The following DNAJC1 variants were observed in gnomAD, a reference collection of about 807,000 sequenced individuals.
DNAJC1 encodes the protein dnaJ homolog subfamily C member 1.
Under a neutral mutation model 76.6 loss-of-function variants are expected in DNAJC1, and 58 were observed. The ratio of observed to expected loss-of-function variants is 0.76; its 90% CI spans 0.61 to 0.94. The LOEUF (loss-of-function observed/expected upper bound fraction) is 0.94. DNAJC1 is among the 40% of genes least tolerant of loss of function. The pLI is 0.00. For synonymous variants in DNAJC1, 258 were observed against 267.9 expected (o/e 0.96, Z 0.36); for missense variants, 689 against 677.3 (o/e 1.02, Z -0.19).
chr10:21,988,935 G>T (rs1215121382), intron 1 of DNAJC1, among the ~76,000 whole-genome samples: 1 of 152,100 alleles, frequency 6.6e-6, no homozygotes, highest in African/African-American at 2.4e-5. Context: ...ACTCTCCTCT[G>T]GGTATCTCCA....
At chr10:21,982,716 A>AT (rs1428006535) in intron 1 of DNAJC1, among the ~76,000 whole-genome samples, 4 of 147,008 alleles carry the variant, frequency 2.7e-5, no homozygotes, top group South Asian at 2.1e-4. Context: ...GATAGCTATC[A>AT]TAAAAAAAAA....
intron 8 of DNAJC1, among the ~76,000 whole-genome samples, chr10:21,818,604 T>A (rs569529195): frequency 1.3e-5 from 2 of 152,182 alleles, no homozygotes; most frequent in Non-Finnish European, 2.9e-5. Context: ...ACTGCCGACA[T>A]GTGATGTCTC....
chr10:21,987,028 A>G (rs1203914755), intron 1 of DNAJC1, among the ~76,000 whole-genome samples: 1 of 152,232 alleles, frequency 6.6e-6, no homozygotes, highest in East Asian at 1.9e-4. Flanking sequence ...TTGGCCACCC[A>G]AAGTGCTGGG....
chr10:21,835,234 C>T (rs1226294226), intron 8 of DNAJC1, among the ~76,000 whole-genome samples: 1 of 152,196 alleles, frequency 6.6e-6, no homozygotes, highest in Non-Finnish European at 1.5e-5. Flanking sequence ...AGTGGACCTC[C>T]AGCAAACTCC....
At chr10:21,849,629 C>T (rs564523024) in intron 8 of DNAJC1, among the ~76,000 whole-genome samples, 311 of 152,056 alleles carry the variant, frequency 2.0e-3, no homozygotes, top group African/African-American at 7.3e-3. Context: ...GCCAGTATTA[C>T]ACTGATTTCC....
intron 8 of DNAJC1, among the ~76,000 whole-genome samples, chr10:21,850,532 T>TC (rs1359870244): frequency 3.3e-5 from 5 of 150,542 alleles, no homozygotes; most frequent in Admixed American, 3.3e-4. Flanking sequence ...AATTTTCTTT[T>TC]CTTTTTTTTT....
intron 9 of DNAJC1, chr10:21,803,738 C>CTA (rs912662981): frequency 2.0e-5 from 14 of 690,026 alleles, no homozygotes; most frequent in Non-Finnish European, 2.5e-5. Flanking sequence ...CAGTGTGGGT[C>CTA]TATATATATA....
intron 8 of DNAJC1, among the ~76,000 whole-genome samples, chr10:21,832,514 C>T (rs1463744363): frequency 6.6e-6 from 1 of 152,066 alleles, no homozygotes; most frequent in East Asian, 1.9e-4. Context: ...CTAACCATGC[C>T]CCATATTTTT....
chr10:21,968,504 CTT>C (rs748589532), intron 1 of DNAJC1, among the ~76,000 whole-genome samples: 1 of 144,456 alleles, frequency 6.9e-6, no homozygotes, highest in Non-Finnish European at 1.5e-5. Context: ...CATGACATAT[CTT>C]TTTTTTTTTT....
At chr10:21,981,670 G>A (rs777434326) in intron 1 of DNAJC1, among the ~76,000 whole-genome samples, 1 of 152,122 alleles carries the variant, frequency 6.6e-6, no homozygotes, top group Non-Finnish European at 1.5e-5. Flanking sequence ...GAGATAATAT[G>A]TGTATTCAAA....
intron 9 of DNAJC1, among the ~76,000 whole-genome samples, chr10:21,805,743 G>T (rs1238937774): frequency 2.0e-5 from 3 of 152,090 alleles, no homozygotes; most frequent in African/African-American, 4.8e-5. Flanking sequence ...CTTTGATTAG[G>T]TTACAGTAGC....
chr10:21,865,851 T>C (rs978848909), intron 8 of DNAJC1: 4 of 152,020 alleles, frequency 2.6e-5, no homozygotes, highest in African/African-American at 4.8e-5. Flanking sequence ...AAATTAGTCC[T>C]GGGCCAGGCA....
chr10:21,816,849 CTCTG>C (rs1315613523), intron 8 of DNAJC1, among the ~76,000 whole-genome samples: 2 of 136,948 alleles, frequency 1.5e-5, no homozygotes, highest in African/African-American at 5.4e-5. Flanking sequence ...CCGGCCGAGA[CTCTG>C]TCTCTTAAAA....
At chr10:21,827,662 T>C (rs894302907) in intron 8 of DNAJC1, among the ~76,000 whole-genome samples, 1 of 152,178 alleles carries the variant, frequency 6.6e-6, no homozygotes, top group Admixed American at 6.5e-5. Flanking sequence ...GTGACTTCTC[T>C]TTTTAGAAAG....
At chr10:21,825,736 C>T (rs1219283522) in intron 8 of DNAJC1, among the ~76,000 whole-genome samples, 3 of 152,104 alleles carry the variant, frequency 2.0e-5, no homozygotes, top group Non-Finnish European at 4.4e-5. Context: ...GTTTGCAGTG[C>T]TATCTTATGT....
chr10:21,841,171 A>G (rs1668051611), intron 8 of DNAJC1, among the ~76,000 whole-genome samples: 1 of 152,200 alleles, frequency 6.6e-6, no homozygotes, highest in Non-Finnish European at 1.5e-5. Context: ...CCTAGGCAAT[A>G]CCATTCAGGA....
Position 22,003,297 on chromosome 10 carries a change from G to A in DNAJC1, c.138C>T (p.Arg46=). 1 of 1,530,420 alleles carries A rather than the reference G, an allele frequency of 6.5e-7. No individual in the cohort carries two copies. Among genetic ancestry groups the A allele is most frequent in the Non-Finnish European group, 8.8e-7 (1 of 1,139,992 alleles). The allele number at this position is 1,530,420 out of a possible 1,614,324, so 94.8% of individuals were successfully genotyped here. A position where few individuals can be genotyped will look rare whatever the true frequency, so the allele number is the denominator to read the frequency against. ...ACTCCAGGTCTCCGCTCTCCCAGCC[G>A]CGCGCCGGCGCCACGGCGGCCAGCA... ...LLLLAAVAPA[R]GWESGDLELF... is the part of the protein sequence containing the mutation. The change falls in exon 1 of 12, where the codon CGC becomes CGT. Residue 46 remains arginine, a synonymous_variant. Coordinates refer to ENST00000376980, the MANE Select transcript of DNAJC1 (RefSeq NM_022365.4).
At chr10:21,788,246 T>G (rs767485936) in intron 9 of DNAJC1, among the ~76,000 whole-genome samples, 1 of 152,232 alleles carries the variant, frequency 6.6e-6, no homozygotes, top group Non-Finnish European at 1.5e-5. Flanking sequence ...GTGCACTGCC[T>G]CCGCTGGAAA....
intron 8 of DNAJC1, among the ~76,000 whole-genome samples, chr10:21,863,817 G>T (rs1835953399): frequency 6.6e-6 from 1 of 152,094 alleles, no homozygotes; most frequent in Non-Finnish European, 1.5e-5. Context: ...AGAAATAGAA[G>T]TAACTTTCCT....
Sources: allele counts gnomAD v4.1 joint callset (sites outside exome capture counted in the v4.1 genomes callset), GRCh38; gene constraint gnomAD v4.1.1; transcripts MANE v1.5; gene names NCBI Gene and HGNC (gene_info 2026-07-23, HGNC 2026-07-21).